MIS18BP1: variants seen among roughly 807,000 people sequenced by gnomAD.
MIS18BP1 encodes MIS18 binding protein 1.
MIS18BP1 carries 72 observed loss-of-function variants against 116.1 expected under a neutral mutation model. The ratio of observed to expected loss-of-function variants is 0.62; its 90% CI spans 0.51 to 0.75. The LOEUF is 0.75. MIS18BP1 is among the 30% of genes least tolerant of loss of function. MIS18BP1 has a pLI of 0.00. For missense variants in MIS18BP1, 1,363 were observed against 1,303.2 expected, an observed-to-expected ratio of 1.05 and a Z score of -0.71; for synonymous variants, 386 against 427.0, an observed-to-expected ratio of 0.90 and a Z score of 1.18.
At chr14:45,247,657 G>A (rs528448735) in intron 1 of MIS18BP1, among the ~76,000 whole-genome samples, 21 of 152,102 alleles carry the variant, frequency 1.4e-4, no homozygotes, top group African/African-American at 5.1e-4. Context: ...TCATGATTGT[G>A]CCACTGCATT....
At chr14:45,240,855 T>C (rs1891556766) in intron 4 of MIS18BP1, among the ~76,000 whole-genome samples, 1 of 152,026 alleles carries the variant, frequency 6.6e-6, no homozygotes. Context: ...TGAGCTGAGA[T>C]TGTGCCACTG....
rs763314692 is a variant in MIS18BP1, at chr14:45,231,254, G to C, written c.1481C>G (p.Thr494Ser). The change falls in exon 8 of 17, where the codon ACT becomes AGT. Residue 494 changes from threonine (T) to serine (S), a missense_variant. Physicochemically the swap from Thr to Ser is moderately conservative, Grantham distance 58. Coordinates refer to ENST00000310806, the MANE Select transcript of MIS18BP1 (RefSeq NM_018353.5). Reference sequence around the variant, plus strand: ...CCTTATGTCACGGACAGATCTTCCAGTTTTCTGTTTTTGTTTGGTCTTTTC... The same window carrying C: ...CCTTATGTCACGGACAGATCTTCCACTTTTCTGTTTTTGTTTGGTCTTTTC... Reference protein sequence around the residue: ...NREKTKQKQKTGRSVRDIRKS... With the variant: ...NREKTKQKQKSGRSVRDIRKS... 6.2e-7 allele frequency: 1 copy of C among 1,612,038 alleles called. No individual in the cohort carries two copies. Among genetic ancestry groups the C allele is most frequent in the Non-Finnish European group, 8.5e-7 (1 of 1,178,812 alleles).
In MIS18BP1 at chr14:45,227,762, CAT is replaced by C. The variant is rs1316092520; in HGVS notation, c.1645_1646del (p.Met549ValfsTer4). 1.9e-6 allele frequency: 3 copies of C among 1,613,848 alleles called. No homozygotes were observed. Among genetic ancestry groups the C allele is most frequent in the African/African-American group, 1.3e-5 (1 of 74,912 alleles). On this transcript the variant is annotated frameshift_variant, in exon 9 of 17. Transcript: ENST00000310806. LOFTEE classifies it high-confidence loss of function. ...SESPGATELNMCHSNCQNKPT... is the reference protein window; with the variant it reads ...SESPGATELNXCHSNCQNKPT... ...GTTTATTTTGGCAATTACTGTGGCA[CAT>C]GTTTAATTCTGTAGCTCCTGGTGAC...
rs142770931 is a variant in MIS18BP1, at chr14:45,232,010, T to A, written c.1437-712A>T. 4.8e-3 allele frequency among the ~76,000 whole-genome samples: 728 copies of A among 152,338 alleles called. 8 individuals carry two copies. Among genetic ancestry groups the A allele is most frequent in the African/African-American group, 0.017 (688 of 41,586 alleles). On this transcript the variant is annotated intron_variant, in intron 7 of 16. Coordinates refer to ENST00000310806, the MANE Select transcript of MIS18BP1 (RefSeq NM_018353.5). ...CTGAAGGGTAAATGATTAGAATTAC[T>A]CTTTGACATATGTCAAAAGTTTTAT...
In MIS18BP1 at chr14:45,224,509, C is replaced by T. The variant is rs1295809273; in HGVS notation, c.2078G>A (p.Ser693Asn). 3 of 1,611,290 alleles carry T rather than the reference C, an allele frequency of 1.9e-6. No individual in the cohort carries two copies. Among genetic ancestry groups the T allele is most frequent in the South Asian group, 2.2e-5 (2 of 90,102 alleles). Residue 693 changes from serine (S) to asparagine (N), a missense_variant, in exon 11 of 17, where the codon AGC (serine) becomes AAC (asparagine). Physicochemically the swap from Ser to Asn is conservative, Grantham distance 46. Transcript: ENST00000310806. ...IPECQKKSPI[S>N]KSMGTLENTF... ...ATTTTCTAAAGTCCCCATGGACTTG[C>T]TGATGGGACTTTTTTTTTGACACTC...
Position 45,242,856 on chromosome 14 carries a change from G to A in MIS18BP1, c.563C>T (p.Pro188Leu), listed in dbSNP as rs771471663. 1.2e-5 allele frequency: 19 copies of A among 1,609,726 alleles called. No homozygotes were observed. The highest frequency in any genetic ancestry group is 1.7e-4 in the Middle Eastern group (1 of 6,050). Residue 188 changes from proline (P) to leucine (L), a missense_variant, in exon 3 of 17, where the codon CCT becomes CTT. Physicochemically the swap from Pro to Leu is moderately conservative, Grantham distance 98. Transcript: ENST00000310806. The part of the protein sequence containing the change: ...SSLRASVQGV[P>L]LESSNNDIFL... ...AATATCATTATTTGATGATTCTAGA[G>A]GAACTCCTTGGACTGAGGCTAAGGT...
At chr14:45,249,140 G>A (rs1011205248) in intron 1 of MIS18BP1, among the ~76,000 whole-genome samples, 3 of 151,968 alleles carry the variant, frequency 2.0e-5, no homozygotes, top group African/African-American at 4.8e-5. Context: ...TGCCCAGGCT[G>A]GAGTGCAGTG....
chr14:45,234,254 T>G (rs553822314), intron 6 of MIS18BP1, among the ~76,000 whole-genome samples: 23 of 151,736 alleles, frequency 1.5e-4, no homozygotes, highest in African/African-American at 5.3e-4. Flanking sequence ...CAAGAGAAAT[T>G]AGATTTACAG....
chr14:45,224,728 T>A lies in MIS18BP1; in HGVS notation c.1859A>T (p.Asp620Val). 6.4e-7 allele frequency: 1 copy of A among 1,574,524 alleles called. No homozygotes were observed. Among genetic ancestry groups the A allele is most frequent in the South Asian group, 1.2e-5 (1 of 83,990 alleles). ...SQKQETTEEL[D>V]VSIDILTSRE... ...TGAGGTTAGAATATCAATGGATACA[T>A]CCAATTCTTCAGTTGTCTCTTTAAT... The change falls in exon 11 of 17, where the codon GAT (aspartate) becomes GTT (valine). Residue 620 changes from aspartate (D) to valine (V), a missense_variant. By Grantham distance (152) the Asp-to-Val change is radical. Transcript: ENST00000310806.
At chr14:45,242,956 T>A in intron 2 of MIS18BP1, 82 bp from the exon 3 acceptor site, 1 of 852,088 alleles carries the variant, frequency 1.2e-6, no homozygotes, top group Non-Finnish European at 1.8e-6. Flanking sequence ...ATTCTTGAAA[T>A]AAAGACACTT....
chr14:45,242,920 T>G (rs752984430), intron 2 of MIS18BP1, 46 bp from the exon 3 acceptor site: 1 of 1,295,306 alleles, frequency 7.7e-7, no homozygotes, highest in South Asian at 1.3e-5. Flanking sequence ...ATTGTATTAG[T>G]CACTAAGAAA....
At position 45,242,347 on chromosome 14, in the gene MIS18BP1, T is replaced by C; in HGVS notation, c.830A>G (p.Asp277Gly). ...AGCATTAGTATTTTGAAATTGTTCA[T>C]CAGCAGAATCAACGCTTTCTAAAAC... ...TFVLESVDSA[D>G]EQFQNTNAET... The change falls in exon 4 of 17, where the codon GAT becomes GGT. Residue 277 changes from aspartate to glycine, a missense_variant. Coordinates refer to ENST00000310806, the MANE Select transcript of MIS18BP1 (RefSeq NM_018353.5). 1.2e-6 allele frequency: 2 copies of C among 1,614,118 alleles called. No homozygotes were observed. The highest frequency in any genetic ancestry group is 1.7e-6 in the Non-Finnish European group (2 of 1,179,978).
chr14:45,247,749 C>T (rs1891760896), intron 1 of MIS18BP1, among the ~76,000 whole-genome samples: 1 of 152,044 alleles, frequency 6.6e-6, no homozygotes, highest in Non-Finnish European at 1.5e-5. Context: ...ATGCATATGG[C>T]ACTACATTAG....
chr14:45,221,510 A>G (rs922339097), intron 11 of MIS18BP1, among the ~76,000 whole-genome samples: 1 of 152,178 alleles, frequency 6.6e-6, no homozygotes, highest in Non-Finnish European at 1.5e-5. Context: ...TCTTTGACCC[A>G]CAGATTAGTT....
chr14:45,230,989 AT>A (rs1334883591), intron 8 of MIS18BP1, 151 bp downstream of exon 8: 1 of 648,734 alleles, frequency 1.5e-6, no homozygotes, highest in African/African-American at 1.9e-5. Flanking sequence ...TACTTCTCAT[AT>A]AGTAGTGAAG....
intron 11 of MIS18BP1, among the ~76,000 whole-genome samples, chr14:45,223,550 G>A (rs556949336): frequency 2.6e-5 from 4 of 152,240 alleles, no homozygotes; most frequent in African/African-American, 9.6e-5. Context: ...CACTCCAGAC[G>A]GGGCAGCAGG....
At chr14:45,223,192 C>G (rs775561334) in intron 11 of MIS18BP1, among the ~76,000 whole-genome samples, 1 of 152,220 alleles carries the variant, frequency 6.6e-6, no homozygotes, top group African/African-American at 2.4e-5. Flanking sequence ...TGGAGAGCTC[C>G]TCTTTAAACT....
intron 1 of MIS18BP1, among the ~76,000 whole-genome samples, chr14:45,249,706 A>C (rs1384241631): frequency 6.6e-6 from 1 of 152,114 alleles, no homozygotes; most frequent in African/African-American, 2.4e-5. Flanking sequence ...CCCCGTCTTT[A>C]CTAAAAATGT....
intron 4 of MIS18BP1, among the ~76,000 whole-genome samples, chr14:45,239,093 C>A (rs373550544): frequency 1.3e-5 from 2 of 152,068 alleles, no homozygotes; most frequent in South Asian, 2.1e-4. Flanking sequence ...TAATCCTGTA[C>A]CATACTATTA....
Sources: allele counts gnomAD v4.1 joint callset (sites outside exome capture counted in the v4.1 genomes callset), GRCh38; gene constraint gnomAD v4.1.1; transcripts MANE v1.5; gene names NCBI Gene and HGNC (gene_info 2026-07-23, HGNC 2026-07-21).